Variants in IGSF21 observed in about 807,000 individuals in gnomAD.
IGSF21 encodes immunoglobin superfamily member 21.
IGSF21 carries 28 observed loss-of-function variants against 46.8 expected under a neutral mutation model. The observed-to-expected ratio is 0.60, with a 90% CI of 0.44 to 0.82. The LOEUF (loss-of-function observed/expected upper bound fraction) is 0.82, where lower values mean the gene tolerates loss of function less well. IGSF21 is among the 40% of genes least tolerant of loss of function. The pLI is 0.00. For synonymous variants in IGSF21, 284 were observed against 273.6 expected (o/e 1.04, Z -0.38); for missense variants, 624 against 665.5 (o/e 0.94, Z 0.69).
chr1:18,114,394 G>A (rs1256856962), intron 1 of IGSF21: 3 of 152,210 alleles, frequency 2.0e-5, no homozygotes, highest in African/African-American at 7.2e-5. Flanking sequence ...TGGGTGATTA[G>A]GCTACCTCTG....
At chr1:18,142,689 T>G (rs1486628748) in intron 1 of IGSF21, among the ~76,000 whole-genome samples, 1 of 152,184 alleles carries the variant, frequency 6.6e-6, no homozygotes, top group Non-Finnish European at 1.5e-5. Flanking sequence ...TAGGCAATGC[T>G]AATTGCACTG....
chr1:18,275,356 CCCA>C (rs150542783), intron 2 of IGSF21, among the ~76,000 whole-genome samples: 1 of 152,250 alleles, frequency 6.6e-6, no homozygotes, highest in African/African-American at 2.4e-5. Flanking sequence ...GGATCTACTC[CCCA>C]AGCCAAGGGG....
intron 1 of IGSF21, among the ~76,000 whole-genome samples, chr1:18,215,766 G>T (rs1235229214): frequency 6.6e-6 from 1 of 152,114 alleles, no homozygotes; most frequent in African/African-American, 2.4e-5. Context: ...TCAGGGGTTT[G>T]GACTTCATCC....
chr1:18,273,472 CTTT>C (rs2085069007), intron 2 of IGSF21, among the ~76,000 whole-genome samples: 1 of 37,440 alleles, frequency 2.7e-5, no homozygotes, highest in African/African-American at 1.1e-4. Context: ...CTCTTTCTTT[CTTT>C]CTTTCTTTCT....
chr1:18,283,829 G>A (rs1205266676), intron 2 of IGSF21, among the ~76,000 whole-genome samples: 1 of 152,086 alleles, frequency 6.6e-6, no homozygotes, highest in Non-Finnish European at 1.5e-5. Context: ...TCCTAACTGG[G>A]AATCAGGGCA....
chr1:18,159,023 G>C (rs1266176705), intron 1 of IGSF21, among the ~76,000 whole-genome samples: 1 of 152,184 alleles, frequency 6.6e-6, no homozygotes, highest in Non-Finnish European at 1.5e-5. Context: ...ACCCTCCCAG[G>C]TTCCCTGGTG....
intron 1 of IGSF21, among the ~76,000 whole-genome samples, chr1:18,151,495 G>T (rs1456694691): frequency 6.6e-6 from 1 of 152,196 alleles, no homozygotes; most frequent in Non-Finnish European, 1.5e-5. Flanking sequence ...GCCAGGTCCA[G>T]AGTGGCATAT....
chr1:18,135,596 A>AT (rs1413513646), intron 1 of IGSF21, among the ~76,000 whole-genome samples: 1 of 152,080 alleles, frequency 6.6e-6, no homozygotes, highest in Non-Finnish European at 1.5e-5. Context: ...TGAACTCATC[A>AT]TTTTTTATGG....
At chr1:18,303,710 G>A (rs1265780682) in intron 3 of IGSF21, among the ~76,000 whole-genome samples, 2 of 152,222 alleles carry the variant, frequency 1.3e-5, no homozygotes, top group African/African-American at 4.8e-5. Flanking sequence ...AGACAGAGAT[G>A]AGCAGGACAG....
intron 6 of IGSF21, among the ~76,000 whole-genome samples, chr1:18,367,589 TTC>T (rs1341906343): frequency 1.4e-5 from 2 of 143,118 alleles, no homozygotes; most frequent in South Asian, 2.3e-4. Flanking sequence ...ACCTTTGATA[TTC>T]TCTCTCTCTC....
chr1:18,272,254 C>T (rs2085049905), intron 2 of IGSF21, among the ~76,000 whole-genome samples: 1 of 151,518 alleles, frequency 6.6e-6, no homozygotes, highest in African/African-American at 2.4e-5. Context: ...ATTCAATTAC[C>T]TCTCACCAGG....
At chr1:18,203,746 G>A (rs2087100173) in intron 1 of IGSF21, among the ~76,000 whole-genome samples, 1 of 152,240 alleles carries the variant, frequency 6.6e-6, no homozygotes, top group South Asian at 2.1e-4. Flanking sequence ...AGGGTGGTCA[G>A]AATCCTGCCT....
rs568301936 is a variant in IGSF21, at chr1:18,253,625, C to T, written c.183+25615C>T. On this transcript the variant is annotated intron_variant, in intron 2 of 9. Coordinates refer to ENST00000251296, the MANE Select transcript of IGSF21 (RefSeq NM_032880.5). ...CCAAAACACCAATTAAAGGCCCAGGCCAGTTCAACATGACTTTATTACTAG... is the reference window on the plus strand; with the variant it reads ...CCAAAACACCAATTAAAGGCCCAGGTCAGTTCAACATGACTTTATTACTAG... 1.8e-4 allele frequency among the ~76,000 whole-genome samples: 28 copies of T among 152,306 alleles called. 1 individual carries two copies. The South Asian group carries it at 4.8e-3, about 26-fold the overall frequency.
intron 1 of IGSF21, among the ~76,000 whole-genome samples, chr1:18,183,830 G>A (rs2086878815): frequency 6.6e-6 from 1 of 152,130 alleles, no homozygotes; most frequent in African/African-American, 2.4e-5. Context: ...TTCTTGTGAA[G>A]GGGGCAGAAA....
intron 1 of IGSF21, among the ~76,000 whole-genome samples, chr1:18,227,449 G>T (rs370188350): frequency 6.6e-6 from 1 of 151,840 alleles, no homozygotes; most frequent in African/African-American, 2.4e-5. Flanking sequence ...AATACATTTC[G>T]GCATTCATTT....
At chr1:18,358,758 A>G (rs902289855) in intron 4 of IGSF21, among the ~76,000 whole-genome samples, 10 of 152,242 alleles carry the variant, frequency 6.6e-5, no homozygotes, top group African/African-American at 2.2e-4. Flanking sequence ...CAGATCAGGA[A>G]ACCAGGCTCA....
rs532887921 is a variant in IGSF21 at position 18,181,669 on chromosome 1, G to A, written c.71-46229G>A. Among the ~76,000 whole-genome samples, 395 of 152,224 alleles carry A rather than the reference G, an allele frequency of 2.6e-3. 3 individuals are homozygous for A. The highest frequency in any genetic ancestry group is 0.024 in the South Asian group (114 of 4,822). ...GTCTTTTTTGAATTTGTCCTCCAAG[G>A]ATTTGCAGAAGATGGGAACAGGGGA... On this transcript the variant is annotated intron_variant, in intron 1 of 9. Transcript: ENST00000251296.
intron 1 of IGSF21, among the ~76,000 whole-genome samples, chr1:18,181,616 T>A (rs1365907146): frequency 6.6e-6 from 1 of 152,226 alleles, no homozygotes; most frequent in Non-Finnish European, 1.5e-5. Flanking sequence ...ACACCCATCC[T>A]ATCTTGGCTA....
At chr1:18,377,709 C>T (rs2086298517) in intron 9 of IGSF21, among the ~76,000 whole-genome samples, 1 of 152,240 alleles carries the variant, frequency 6.6e-6, no homozygotes. Context: ...GCCCTCTTAG[C>T]TCAGAGCTTG....
Sources: allele counts gnomAD v4.1 joint callset (sites outside exome capture counted in the v4.1 genomes callset), GRCh38; gene constraint gnomAD v4.1.1; transcripts MANE v1.5; gene names NCBI Gene and HGNC (gene_info 2026-07-23, HGNC 2026-07-21).